Variants in TMF1 observed in about 807,000 individuals in gnomAD.
The protein encoded by TMF1 is TATA element modulatory factor 1, also known as TATA element modulatory factor.
In TMF1, 71 loss-of-function variants were observed where a neutral mutation model predicts 126.5. The observed-to-expected ratio is 0.56, with a 90% CI of 0.46 to 0.68. The LOEUF is 0.68. Among genes scored for constraint, TMF1 ranks in the 30% least tolerant of loss-of-function variants. The probability of loss-of-function intolerance (pLI) is 0.00; values close to 1 mark genes in which losing one functional copy is unlikely to be tolerated. For missense variants in TMF1, 1,259 were observed against 1,253.2 expected (o/e 1.00, Z -0.07); for synonymous variants, 461 against 430.5 (o/e 1.07, Z -0.88).
chr3:69,030,925 T>G lies in TMF1; in HGVS notation c.2402-918A>C, dbSNP rs543818900. Among the ~76,000 whole-genome samples, 5 of 152,326 alleles carry G rather than the reference T, an allele frequency of 3.3e-5. No individual in the cohort carries two copies. The East Asian group carries it at 9.6e-4, about 29-fold the overall frequency. ...TTATCTAGAGAAATGAAAACTTAGG[T>G]TCACACTAAAACCTGTACATGAATA... On this transcript the variant is annotated intron_variant, in intron 10 of 16. Coordinates refer to ENST00000398559, the MANE Select transcript of TMF1 (RefSeq NM_007114.3).
intron 6 of TMF1, 34 bp from the exon 7 acceptor site, chr3:69,039,043 C>A: frequency 7.0e-7 from 1 of 1,419,908 alleles, no homozygotes; most frequent in Non-Finnish European, 9.5e-7. Flanking sequence ...AAGTATTTTT[C>A]AAGAAATAAT....
intron 10 of TMF1, among the ~76,000 whole-genome samples, chr3:69,031,332 C>A (rs1025500219): frequency 6.6e-6 from 1 of 151,898 alleles, no homozygotes; most frequent in African/African-American, 2.4e-5. Context: ...AGAAAAAAAG[C>A]TAACAGGAAG....
Position 69,020,028 on chromosome 3 carries a change from C to A in TMF1, c.*3149G>T, listed in dbSNP as rs2091720901. On this transcript the variant is annotated 3_prime_UTR_variant, in exon 17 of 17. Transcript: ENST00000398559. ...AATGAAAATGAAAAATTTTGATACA[C>A]TAGAACATAAATGTATACGTACTAA... 6.6e-6 allele frequency: 1 copy of A among 152,004 alleles called. No homozygotes were observed. The highest frequency in any genetic ancestry group is 1.5e-5 in the Non-Finnish European group (1 of 67,960). The allele number at this position is 152,004 out of a possible 1,614,324, so 9.4% of individuals were successfully genotyped here.
At chr3:69,025,214 G>C (rs2091761674) in intron 15 of TMF1, 1 of 190,800 alleles carries the variant, frequency 5.2e-6, no homozygotes, top group Admixed American at 5.8e-5. Context: ...TTATTCTGTT[G>C]GGAAAGAGCT....
At position 69,026,048 on chromosome 3, in the gene TMF1, C is replaced by T; in HGVS notation, c.2807G>A (p.Ser936Asn). The T allele has an allele frequency of 6.2e-7, 1 of 1,614,100 alleles. No homozygotes were observed. Among genetic ancestry groups the T allele is most frequent in the Non-Finnish European group, 8.5e-7 (1 of 1,180,002 alleles). The change falls in exon 14 of 17, where the codon AGT becomes AAT. Residue 936 changes from serine to asparagine, a missense_variant. By Grantham distance (46) the Ser-to-Asn change is conservative. Transcript: ENST00000398559. ...TGCCATATCAACACCACTTATTGAA[C>T]TTGAGCGTGACATGGTGGGAGTGCT... is the stretch of plus-strand genomic sequence containing the variant. The part of the protein sequence containing the change: ...VSSTPTMSRS[S>N]SISGVDMAGL...
At chr3:69,025,855 C>A (rs1202890475) in intron 14 of TMF1, 141 bp downstream of exon 14, 57 of 1,154,616 alleles carry the variant, frequency 4.9e-5, no homozygotes, top group Non-Finnish European at 6.9e-5. Context: ...TTTCCTCTCA[C>A]TAAAATTAGC....
At position 69,047,908 on chromosome 3, in the gene TMF1, C is replaced by T. The variant is rs771997538; in HGVS notation, c.797G>A (p.Ser266Asn). Residue 266 changes from serine to asparagine, a missense_variant, in exon 2 of 17, where the codon AGT becomes AAT. Transcript: ENST00000398559. ...TSDIEVLDHE[S>N]VISESSASSR... ...GCTCGCTGAGCTCTCACTTATTACA[C>T]TTTCATGATCTAAAACTTCAATATC... 2 of 1,613,864 alleles carry T rather than the reference C, an allele frequency of 1.2e-6. No homozygotes were observed. Among genetic ancestry groups the T allele is most frequent in the Non-Finnish European group, 8.5e-7 (1 of 1,180,028 alleles).
chr3:69,028,971 C>A (rs1039423165), intron 11 of TMF1, among the ~76,000 whole-genome samples: 4 of 151,776 alleles, frequency 2.6e-5, no homozygotes, highest in Non-Finnish European at 4.4e-5. Flanking sequence ...ACATGCCACA[C>A]AATCTCAACA....
chr3:69,051,256 C>G (rs1047056057), intron 1 of TMF1, among the ~76,000 whole-genome samples: 1 of 152,076 alleles, frequency 6.6e-6, no homozygotes, highest in Non-Finnish European at 1.5e-5. Context: ...GTGGGTGGAT[C>G]GCCTTAAGTC....
At chr3:69,049,858 G>T (rs917553952) in intron 1 of TMF1, among the ~76,000 whole-genome samples, 9 of 152,070 alleles carry the variant, frequency 5.9e-5, no homozygotes. Context: ...TTAAAATGTG[G>T]CTGAACAAAA....
In TMF1 at chr3:69,043,882, T is replaced by G. The variant is rs368107014; in HGVS notation, c.1452-6A>C. The G allele has an allele frequency of 1.3e-5, 21 of 1,593,896 alleles. No individual in the cohort carries two copies. The African/African-American group carries it at 1.9e-4, about 14-fold the overall frequency. On this transcript the variant is annotated splice_polypyrimidine_tract_variant and splice_region_variant and intron_variant, in intron 3 of 16. Coordinates refer to ENST00000398559, the MANE Select transcript of TMF1 (RefSeq NM_007114.3). ...CTTTCACTCTGAACATTTCACTAAATTTAAAATAATATTTGAGAATGAGGA... is the reference window on the plus strand; with the variant it reads ...CTTTCACTCTGAACATTTCACTAAAGTTAAAATAATATTTGAGAATGAGGA...
chr3:69,034,104 T>C (rs758340340), intron 9 of TMF1: 2 of 161,778 alleles, frequency 1.2e-5, no homozygotes, highest in East Asian at 1.8e-4. Flanking sequence ...TGAACCACCA[T>C]GCCCAGCCCT....
intron 10 of TMF1, among the ~76,000 whole-genome samples, chr3:69,031,923 T>C (rs968825094): frequency 6.6e-6 from 1 of 152,208 alleles, no homozygotes; most frequent in African/African-American, 2.4e-5. Flanking sequence ...AATATTTATT[T>C]CAAAAGATAT....
Position 69,052,313 on chromosome 3 carries a change from G to T in TMF1, c.-227C>A, listed in dbSNP as rs560876896. On this transcript the variant is annotated 5_prime_UTR_variant, in exon 1 of 17. Transcript: ENST00000398559. Reference sequence around the variant, plus strand: ...GTGCGCATGCGCTTGCTTCTTCCACGTACACAGCAACCAAATCTACGAGCC... The same window carrying T: ...GTGCGCATGCGCTTGCTTCTTCCACTTACACAGCAACCAAATCTACGAGCC... 3.1e-5 allele frequency: 12 copies of T among 390,888 alleles called. No individual in the cohort carries two copies. The highest frequency in any genetic ancestry group is 1.4e-3 in the Middle Eastern group (2 of 1,468). The allele number at this position is 390,888 out of a possible 1,614,324, so 24.2% of individuals were successfully genotyped here.
At chr3:69,046,955 G>C (rs145379895) in intron 2 of TMF1, among the ~76,000 whole-genome samples, 1 of 152,216 alleles carries the variant, frequency 6.6e-6, no homozygotes, top group Non-Finnish European at 1.5e-5. Context: ...AACAAATTCT[G>C]ATACAAGAAA....
intron 11 of TMF1, 144 bp downstream of exon 11, chr3:69,029,671 C>T (rs1367275577): frequency 2.9e-6 from 2 of 683,448 alleles, no homozygotes; most frequent in Admixed American, 2.8e-5. Context: ...CACCTCCTGA[C>T]CTCAAGTGAT....
Position 69,048,236 on chromosome 3 carries a change from A to T in TMF1, c.469T>A (p.Leu157Met). The T allele has an allele frequency of 6.2e-7, 1 of 1,614,156 alleles. No individual in the cohort carries two copies. The highest frequency in any genetic ancestry group is 8.5e-7 in the Non-Finnish European group (1 of 1,180,010). Residue 157 changes from leucine (L) to methionine (M), a missense_variant, in exon 2 of 17, where the codon TTG becomes ATG. Physicochemically the swap from Leu to Met is conservative, Grantham distance 15. Coordinates refer to ENST00000398559, the MANE Select transcript of TMF1 (RefSeq NM_007114.3). ...TTESQVKDSS[L>M]CVSGETLAAG... ...GCCAGAGTTTCCCCTGAAACACACA[A>T]AGAAGAGTCTTTTACTTGTGATTCA...
rs796977082 is a variant in TMF1 at position 69,025,891 on chromosome 3, T to C, written c.2859+105A>G. 57 of 1,127,308 alleles carry C rather than the reference T, an allele frequency of 5.1e-5. No homozygotes were observed. In the African/African-American group the frequency reaches 8.0e-4, roughly 16 times the overall value. The allele number at this position is 1,127,308 out of a possible 1,614,324, so 69.8% of individuals were successfully genotyped here. On this transcript the variant is annotated intron_variant, in intron 14 of 16. Coordinates refer to ENST00000398559, the MANE Select transcript of TMF1 (RefSeq NM_007114.3). ...ACTCCTCCACAAGTATTCAGATGAA[T>C]TACCCATAGAATGGCAAGGTCATGA...
At chr3:69,043,912 G>A in intron 3 of TMF1, 36 bp from the exon 4 acceptor site, 5 of 1,562,402 alleles carry the variant, frequency 3.2e-6, no homozygotes, top group Non-Finnish European at 4.4e-6. Context: ...TGAGGATGGT[G>A]TCTATATATC....
Sources: allele counts gnomAD v4.1 joint callset (sites outside exome capture counted in the v4.1 genomes callset), GRCh38; gene constraint gnomAD v4.1.1; transcripts MANE v1.5; gene names NCBI Gene and HGNC (gene_info 2026-07-23, HGNC 2026-07-21).